The following ARHGAP29 variants were observed in gnomAD, a reference collection of about 807,000 sequenced individuals.
The protein encoded by ARHGAP29 is Rho GTPase activating protein 29.
In ARHGAP29, 43 loss-of-function variants were observed where a neutral mutation model predicts 122.6. The ratio of observed to expected loss-of-function variants is 0.35; its 90% CI spans 0.27 to 0.45. The LOEUF (loss-of-function observed/expected upper bound fraction) is 0.45, where lower values mean the gene tolerates loss of function less well. ARHGAP29 is among the 20% of genes least tolerant of loss of function. The pLI, the probability that ARHGAP29 is intolerant of heterozygous loss-of-function variation, is 1.00. For synonymous variants in ARHGAP29, 506 were observed against 497.1 expected (o/e 1.02, Z -0.24); for missense variants, 1,303 against 1,477.2 (o/e 0.88, Z 1.93).
chr1:94,264,179 G>T (rs1654668395), intron 1 of ARHGAP29, among the ~76,000 whole-genome samples: 1 of 152,186 alleles, frequency 6.6e-6, no homozygotes, highest in African/African-American at 2.4e-5. Flanking sequence ...TGAGATGGCG[G>T]TAGAATGGCC....
intron 1 of ARHGAP29, among the ~76,000 whole-genome samples, chr1:94,264,570 C>A (rs981430622): frequency 6.6e-6 from 1 of 152,134 alleles, no homozygotes; most frequent in Non-Finnish European, 1.5e-5. Context: ...CTTGAGTTCA[C>A]TCAGGGGAGT....
the ARHGAP29 span, among the ~76,000 whole-genome samples, chr1:94,285,502 A>G: frequency 6.6e-6 from 1 of 152,210 alleles, no homozygotes; most frequent in Non-Finnish European, 1.5e-5. Flanking sequence ...GGAAGGGTCA[A>G]TGAAGGCATT....
the ARHGAP29 span, among the ~76,000 whole-genome samples, chr1:94,282,346 G>A: frequency 3.3e-5 from 5 of 151,734 alleles, no homozygotes; most frequent in Non-Finnish European, 4.4e-5. Context: ...GAGTGCAGTG[G>A]TGCAATCTGG....
intron 1 of ARHGAP29, among the ~76,000 whole-genome samples, chr1:94,265,123 C>T (rs754591025): frequency 6.6e-6 from 1 of 152,258 alleles, no homozygotes; most frequent in African/African-American, 2.4e-5. Context: ...ACTCCCCAGA[C>T]ATCCCAGCCC....
chr1:94,197,672 G>T (rs1343976259), intron 12 of ARHGAP29, among the ~76,000 whole-genome samples: 2 of 152,114 alleles, frequency 1.3e-5, no homozygotes, highest in Non-Finnish European at 2.9e-5. Context: ...ACCAAGAGGG[G>T]CTTATTCCAG....
At position 94,177,961 on chromosome 1, in the gene ARHGAP29, A is replaced by G. The variant is rs1390043605; in HGVS notation, c.2687T>C (p.Met896Thr). Reference protein sequence around the residue: ...FDGSLQPQDVMCSIGVVDQGC... With the variant: ...FDGSLQPQDVTCSIGVVDQGC... ...TTGATCAACAACACCTATGCTACACATAACATCTTGTGGTTGTAGGGACCC... is the reference window on the plus strand; with the variant it reads ...TTGATCAACAACACCTATGCTACACGTAACATCTTGTGGTTGTAGGGACCC... Residue 896 changes from methionine (M) to threonine (T), a missense_variant, in exon 21 of 23, where the codon ATG (methionine) becomes ACG (threonine). Around this residue, in one of 3 missense-constraint regions of ARHGAP29, gnomAD observed 620 missense variants for 651.2 expected, o/e 0.95. Coordinates refer to ENST00000260526, the MANE Select transcript of ARHGAP29 (RefSeq NM_004815.4). 5 of 1,614,086 alleles carry G rather than the reference A, an allele frequency of 3.1e-6. No homozygotes were observed. The highest frequency in any genetic ancestry group is 4.2e-6 in the Non-Finnish European group (5 of 1,180,048).
At chr1:94,219,262 C>T (rs1474778311) in intron 3 of ARHGAP29, among the ~76,000 whole-genome samples, 1 of 152,160 alleles carries the variant, frequency 6.6e-6, no homozygotes, top group Non-Finnish European at 1.5e-5. Flanking sequence ...TCTTAAAATC[C>T]ATGTCACCTC....
chr1:94,188,859 C>T lies in ARHGAP29; in HGVS notation c.1659G>A (p.Leu553=). 1 of 1,612,294 alleles carries T rather than the reference C, an allele frequency of 6.2e-7. No homozygotes were observed. The change falls in exon 15 of 23, where the codon CTG becomes CTA. Residue 553 remains leucine (L), a synonymous_variant. Transcript: ENST00000260526. ...TACCTGGACTTATAGATTCTGAATC[C>T]AGAGATCTAGATTCGCTGCTCCCTC... ...STGGSSESRS[L]DSESISPGDF... is the part of the protein sequence containing the mutation.
intron 1 of ARHGAP29, among the ~76,000 whole-genome samples, chr1:94,263,491 A>G (rs1286312550): frequency 6.6e-6 from 1 of 152,154 alleles, no homozygotes; most frequent in Non-Finnish European, 1.5e-5. Flanking sequence ...CAGACCACGT[A>G]CTCATGCATA....
At chr1:94,292,731 G>C in the ARHGAP29 span, among the ~76,000 whole-genome samples, 2 of 152,188 alleles carry the variant, frequency 1.3e-5, no homozygotes, top group South Asian at 4.1e-4. Flanking sequence ...CAGGTCTCTT[G>C]GAGTTTGCTG....
At chr1:94,265,140 A>C (rs906020109) in intron 1 of ARHGAP29, among the ~76,000 whole-genome samples, 2 of 151,998 alleles carry the variant, frequency 1.3e-5, no homozygotes, top group South Asian at 4.1e-4. Flanking sequence ...GCCCTTCCCT[A>C]CTTCTGTTAG....
chr1:94,307,137 T>C, the ARHGAP29 span, among the ~76,000 whole-genome samples: 1 of 152,322 alleles, frequency 6.6e-6, no homozygotes, highest in African/African-American at 2.4e-5. Flanking sequence ...TCTGCTATGC[T>C]TGTCTTGCCA....
At chr1:94,234,248 G>T (rs1653112770) in intron 1 of ARHGAP29, among the ~76,000 whole-genome samples, 2 of 152,158 alleles carry the variant, frequency 1.3e-5, no homozygotes, top group Admixed American at 6.5e-5. Flanking sequence ...ACAATGCTTG[G>T]CGTATGAGGA....
chr1:94,196,463 T>G (rs945122399), intron 12 of ARHGAP29, among the ~76,000 whole-genome samples: 34 of 151,248 alleles, frequency 2.2e-4, no homozygotes, highest in African/African-American at 6.1e-4. Context: ...GGGTTTCACC[T>G]TGTTAGCCAG....
the ARHGAP29 span, among the ~76,000 whole-genome samples, chr1:94,287,755 G>A: frequency 6.6e-6 from 1 of 151,262 alleles, no homozygotes; most frequent in Admixed American, 6.6e-5. Flanking sequence ...TGCGATGTTT[G>A]GTTTTCTGTC....
chr1:94,221,894 T>C (rs986327529), intron 2 of ARHGAP29, among the ~76,000 whole-genome samples: 7 of 150,890 alleles, frequency 4.6e-5, no homozygotes, highest in East Asian at 1.9e-4. Flanking sequence ...CTTAGAGAAA[T>C]AGTTGATTCC....
At chr1:94,235,916 C>T (rs960004243) in intron 1 of ARHGAP29, among the ~76,000 whole-genome samples, 2 of 152,304 alleles carry the variant, frequency 1.3e-5, no homozygotes, top group Non-Finnish European at 2.9e-5. Context: ...ATGCACATTA[C>T]GGCAGTAGTT....
the ARHGAP29 span, among the ~76,000 whole-genome samples, chr1:94,289,619 G>C: frequency 1.3e-5 from 2 of 152,206 alleles, no homozygotes; most frequent in Admixed American, 1.3e-4. Context: ...TATGATATTG[G>C]CTGTGGGTCT....
intron 1 of ARHGAP29, among the ~76,000 whole-genome samples, chr1:94,244,659 T>C (rs1653723799): frequency 6.6e-6 from 1 of 151,986 alleles, no homozygotes; most frequent in African/African-American, 2.4e-5. Context: ...AAAAAAAATC[T>C]TAAGAAGCCT....
Sources: gnomAD v4.1 joint callset for allele counts (sites outside exome capture counted in the v4.1 genomes callset) on GRCh38, gnomAD v4.1.1 for gene constraint, gnomAD v4.1.1 regional missense constraint, MANE v1.5 for transcripts, NCBI Gene and HGNC (gene_info 2026-07-23, HGNC 2026-07-21) for gene names.